Variants in SYNPO2 observed in about 807,000 individuals in gnomAD.
The protein encoded by SYNPO2 is synaptopodin-2.
A neutral mutation model predicts 85.0 loss-of-function variants in SYNPO2; 56 were observed. The ratio of observed to expected loss-of-function variants is 0.66; its 90% CI spans 0.53 to 0.82. The LOEUF (loss-of-function observed/expected upper bound fraction) is 0.82. Ranked by LOEUF, SYNPO2 falls within the 40% of genes least tolerant of loss-of-function variation. The pLI, the probability that SYNPO2 is intolerant of heterozygous loss-of-function variation, is 0.00. For synonymous variants in SYNPO2, 602 were observed against 591.1 expected, an observed-to-expected ratio of 1.02 and a Z score of -0.27; for missense variants, 1,575 against 1,534.2, an observed-to-expected ratio of 1.03 and a Z score of -0.44.
At chr4:118,982,206 T>C (rs1459648323) in intron 1 of SYNPO2, among the ~76,000 whole-genome samples, 4 of 152,056 alleles carry the variant, frequency 2.6e-5, no homozygotes, top group Admixed American at 2.0e-4. Context: ...GCAGGCGCGC[T>C]GTAAACCATT....
intron 1 of SYNPO2, among the ~76,000 whole-genome samples, chr4:118,970,171 T>C (rs6819572): frequency 0.39 from 59,613 of 152,104 alleles, 11,895 homozygotes; most frequent in South Asian, 0.52. Context: ...TCCTGAATTA[T>C]AAATTATCAA....
At chr4:118,892,492 G>A (rs1732408875) in intron 1 of SYNPO2, among the ~76,000 whole-genome samples, 1 of 152,102 alleles carries the variant, frequency 6.6e-6, no homozygotes, top group Non-Finnish European at 1.5e-5. Flanking sequence ...AAAAGAATGT[G>A]AGCACTTCTT....
chr4:118,918,091 C>T (rs1227107498), intron 1 of SYNPO2, among the ~76,000 whole-genome samples: 1 of 152,148 alleles, frequency 6.6e-6, no homozygotes, highest in African/African-American at 2.4e-5. Context: ...CAATCCTTCC[C>T]ATTCAGCTTT....
intron 1 of SYNPO2, among the ~76,000 whole-genome samples, chr4:118,992,184 A>T (rs1043876701): frequency 6.6e-6 from 1 of 151,690 alleles, no homozygotes; most frequent in African/African-American, 2.4e-5. Context: ...TATAGGCAAG[A>T]CTCTACACAG....
Position 118,910,411 on chromosome 4 carries a change from C to T in SYNPO2, c.105+21270C>T, listed in dbSNP as rs114609626. Among the ~76,000 whole-genome samples, 621 of 152,272 alleles carry T rather than the reference C, an allele frequency of 4.1e-3. 2 individuals carry two copies. The highest frequency in any genetic ancestry group is 6.8e-3 in the Middle Eastern group (2 of 294). ...CATATCTGAAGGAGGTGCGTTGCAC[C>T]GGGAATTTCCATTTTTACAGCTTTC... On this transcript the variant is annotated intron_variant, in intron 1 of 4. Coordinates refer to ENST00000307142, the MANE Select transcript of SYNPO2 (RefSeq NM_133477.3).
intron 4 of SYNPO2, among the ~76,000 whole-genome samples, chr4:119,053,950 A>G (rs978270213): frequency 5.9e-5 from 9 of 152,122 alleles, no homozygotes; most frequent in African/African-American, 2.2e-4. Flanking sequence ...ATCTATTGCC[A>G]TCCCCTCAGC....
At chr4:119,051,736 G>T (rs747317158) in intron 4 of SYNPO2, among the ~76,000 whole-genome samples, 1 of 152,152 alleles carries the variant, frequency 6.6e-6, no homozygotes, top group Non-Finnish European at 1.5e-5. Flanking sequence ...GCTTTGTACT[G>T]TACTGAAAAT....
intron 1 of SYNPO2, among the ~76,000 whole-genome samples, chr4:118,975,438 A>G (rs1205245084): frequency 6.6e-6 from 1 of 152,188 alleles, no homozygotes; most frequent in Non-Finnish European, 1.5e-5. Flanking sequence ...AACAGAGATG[A>G]AGGATCCAAT....
At chr4:118,900,683 CTCTCTCTCTCTCTCTCTCTCTA>C (rs1204923187) in intron 1 of SYNPO2, among the ~76,000 whole-genome samples, 24 of 41,778 alleles carry the variant, frequency 5.7e-4, no homozygotes, top group African/African-American at 1.6e-3. Context: ...CTCTCTCTCT[CTCTCTCTCTCTCTCTCTCTCTA>C]TATATATATA....
At chr4:118,871,548 G>C (rs1182863058) in intron 1 of SYNPO2, among the ~76,000 whole-genome samples, 3 of 150,800 alleles carry the variant, frequency 2.0e-5, no homozygotes, top group Non-Finnish European at 4.4e-5. Context: ...TTGTGCCTAG[G>C]ACAATGCCTG....
rs370550359 is a variant in SYNPO2 at position 119,026,863 on chromosome 4, A to G, written c.494A>G (p.Gln165Arg). The change falls in exon 3 of 5, where the codon CAA becomes CGA. Residue 165 changes from glutamine (Q) to arginine (R), a missense_variant. This residue lies in a region of SYNPO2 where 1,508 missense variants were observed against 1,446.8 expected (regional missense o/e 1.04). Transcript: ENST00000307142. Reference sequence around the variant, plus strand: ...AAAGAAGAAACAGGCCCGAGCTACCAAAGGGCTCCCCAAATGCCTGACTCC... The same window carrying G: ...AAAGAAGAAACAGGCCCGAGCTACCGAAGGGCTCCCCAAATGCCTGACTCC... Reference protein sequence around the residue: ...SLKEETGPSYQRAPQMPDSQR... With the variant: ...SLKEETGPSYRRAPQMPDSQR... 1.9e-6 allele frequency: 3 copies of G among 1,613,986 alleles called. No homozygotes were observed. Among genetic ancestry groups the G allele is most frequent in the Non-Finnish European group, 2.5e-6 (3 of 1,180,010 alleles).
intron 1 of SYNPO2, among the ~76,000 whole-genome samples, chr4:118,851,812 G>A (rs1319643464): frequency 2.0e-5 from 3 of 152,078 alleles, no homozygotes; most frequent in African/African-American, 7.2e-5. Flanking sequence ...CTATTGTGAT[G>A]TACCATTTTG....
intron 1 of SYNPO2, among the ~76,000 whole-genome samples, chr4:118,913,894 A>G (rs1733224278): frequency 6.6e-6 from 1 of 152,298 alleles, no homozygotes; most frequent in East Asian, 1.9e-4. Context: ...CTAAACAGGG[A>G]GATGACATTA....
chr4:118,882,608 TCACA>T (rs547885997), intron 1 of SYNPO2, among the ~76,000 whole-genome samples: 1 of 151,610 alleles, frequency 6.6e-6, no homozygotes, highest in Non-Finnish European at 1.5e-5. Context: ...TCTCTCTCTC[TCACA>T]CACACACACC....
chr4:119,044,941 C>T (rs893313975), intron 4 of SYNPO2, among the ~76,000 whole-genome samples: 1 of 152,116 alleles, frequency 6.6e-6, no homozygotes, highest in African/African-American at 2.4e-5. Context: ...TTTGAATTGT[C>T]AGAGATTTTT....
chr4:119,012,490 C>T (rs1157333280), intron 1 of SYNPO2, among the ~76,000 whole-genome samples: 1 of 150,254 alleles, frequency 6.7e-6, no homozygotes, highest in African/African-American at 2.5e-5. Flanking sequence ...ATCAACCTGT[C>T]ATCTAGGCTT....
intron 1 of SYNPO2, among the ~76,000 whole-genome samples, chr4:118,873,128 C>T (rs1731834716): frequency 6.6e-6 from 1 of 152,110 alleles, no homozygotes; most frequent in Non-Finnish European, 1.5e-5. Context: ...ATTCTATACG[C>T]TTGCTATTGT....
At chr4:119,037,545 A>T in intron 4 of SYNPO2, 1 of 992,598 alleles carries the variant, frequency 1.0e-6, no homozygotes, top group African/African-American at 1.7e-5. Context: ...GCCATGCAAC[A>T]ACCCAAAATC....
chr4:118,872,779 T>C (rs187572110), intron 1 of SYNPO2, among the ~76,000 whole-genome samples: 9 of 152,266 alleles, frequency 5.9e-5, no homozygotes, highest in African/African-American at 2.2e-4. Flanking sequence ...CCCCTTTTTC[T>C]GGTGACATGC....
Sources: allele counts gnomAD v4.1 joint callset (sites outside exome capture counted in the v4.1 genomes callset), GRCh38; gene constraint gnomAD v4.1.1; regional missense constraint gnomAD v4.1.1; transcripts MANE v1.5; gene names NCBI Gene and HGNC (gene_info 2026-07-23, HGNC 2026-07-21).